The following UNC79 variants were observed in gnomAD, a reference collection of about 807,000 sequenced individuals.
UNC79 encodes protein unc-79 homolog.
UNC79 carries 37 observed loss-of-function variants against 283.1 expected under a neutral mutation model. That is an observed-to-expected ratio of 0.13 (90% CI 0.10 to 0.17). UNC79 has a LOEUF of 0.17. Among genes scored for constraint, UNC79 ranks in the 10% least tolerant of loss-of-function variants. The pLI, the probability that UNC79 is intolerant of heterozygous loss-of-function variation, is 1.00. For synonymous variants in UNC79, 1,107 were observed against 1,200.2 expected, an observed-to-expected ratio of 0.92 and a Z score of 1.61; for missense variants, 2,272 against 3,211.1, an observed-to-expected ratio of 0.71 and a Z score of 7.07.
At chr14:93,447,066 A>G (rs1192584468) in intron 1 of UNC79, among the ~76,000 whole-genome samples, 4 of 152,142 alleles carry the variant, frequency 2.6e-5, no homozygotes, top group African/African-American at 9.7e-5. Context: ...TACTGGGTTC[A>G]TATACATTTA....
intron 1 of UNC79, among the ~76,000 whole-genome samples, chr14:93,344,435 G>A (rs1336762815): frequency 6.6e-6 from 1 of 152,210 alleles, no homozygotes; most frequent in Non-Finnish European, 1.5e-5. Flanking sequence ...CTTCAGAATA[G>A]GGAGAATTCA....
At chr14:93,677,453 A>G (rs1188192752) in intron 41 of UNC79, among the ~76,000 whole-genome samples, 1 of 152,210 alleles carries the variant, frequency 6.6e-6, no homozygotes, top group African/African-American at 2.4e-5. Context: ...GGGAACTCCC[A>G]TTTATAAAAC....
At chr14:93,452,059 G>A (rs1009548539) in intron 1 of UNC79, among the ~76,000 whole-genome samples, 6 of 152,040 alleles carry the variant, frequency 3.9e-5, no homozygotes, top group African/African-American at 1.2e-4. Context: ...ACTTTTCCAC[G>A]CCTAGCATCT....
intron 47 of UNC79, among the ~76,000 whole-genome samples, chr14:93,700,387 A>G (rs182759407): frequency 6.6e-6 from 1 of 152,260 alleles, no homozygotes; most frequent in East Asian, 1.9e-4. Flanking sequence ...AACATGCCCA[A>G]TCTTTCTTCT....
chr14:93,453,153 G>A (rs943271761), intron 1 of UNC79, among the ~76,000 whole-genome samples: 5 of 152,192 alleles, frequency 3.3e-5, no homozygotes. Context: ...TTTAAGGACG[G>A]TGCTGGCTAT....
chr14:93,515,517 C>T (rs1218479516), intron 7 of UNC79, among the ~76,000 whole-genome samples: 1 of 152,024 alleles, frequency 6.6e-6, no homozygotes, highest in South Asian at 2.1e-4. Flanking sequence ...TAATTTGAGA[C>T]TTAGTATGAT....
chr14:93,639,155 G>A (rs2068789165), intron 32 of UNC79, among the ~76,000 whole-genome samples: 2 of 152,092 alleles, frequency 1.3e-5, no homozygotes, highest in Admixed American at 1.3e-4. Flanking sequence ...ATAGTAATTG[G>A]CAATAATCTT....
chr14:93,404,493 A>AAAAAAATATATAT lies in UNC79; in HGVS notation c.-350-63177_-350-63176insAAAAATATATATA. On this transcript the variant is annotated intron_variant, in intron 1 of 49. Coordinates refer to the UNC79 transcript ENST00000256339. Reference sequence around the variant, plus strand: ...TGACAGAGTGAGACCTTCTAAAAAAAATATATATATATATATATATAAATA... The same window carrying AAAAAAATATATAT: ...TGACAGAGTGAGACCTTCTAAAAAAAAAAAAATATATATATATATATATATATATATATAAATA... Among the ~76,000 whole-genome samples the AAAAAAATATATAT allele has an allele frequency of 6.3e-4, 39 of 61,498 alleles. 3 individuals are homozygous for AAAAAAATATATAT. Among genetic ancestry groups the AAAAAAATATATAT allele is most frequent in the South Asian group, 9.2e-4 (2 of 2,176 alleles). 40.3% of individuals were successfully genotyped at this position (61,498 alleles called of 152,430 possible). A position where few individuals can be genotyped will look rare whatever the true frequency, so the allele number is the denominator to read the frequency against.
intron 18 of UNC79, among the ~76,000 whole-genome samples, chr14:93,579,892 TCTC>T: frequency 6.6e-6 from 1 of 152,330 alleles, no homozygotes; most frequent in Non-Finnish European, 1.5e-5. Context: ...CTCTTTTAAA[TCTC>T]CTACATGATT....
At chr14:93,374,559 G>T (rs72708601) in intron 1 of UNC79, among the ~76,000 whole-genome samples, 7 of 151,650 alleles carry the variant, frequency 4.6e-5, no homozygotes. Context: ...CTTTTTTTGA[G>T]ACAGGGCCTC....
chr14:93,672,481 G>A (rs2072966292), intron 40 of UNC79, among the ~76,000 whole-genome samples: 1 of 152,164 alleles, frequency 6.6e-6, no homozygotes, highest in Non-Finnish European at 1.5e-5. Context: ...CATGGAGGTA[G>A]AGTGTGGAAG....
intron 7 of UNC79, among the ~76,000 whole-genome samples, chr14:93,517,197 CT>C (rs964129729): frequency 2.0e-5 from 3 of 150,718 alleles, no homozygotes; most frequent in Non-Finnish European, 3.0e-5. Flanking sequence ...CTCTCCACCC[CT>C]CTCTCCCTTT....
intron 14 of UNC79, among the ~76,000 whole-genome samples, chr14:93,558,788 C>T (rs1423976030): frequency 1.3e-5 from 2 of 151,956 alleles, no homozygotes; most frequent in Non-Finnish European, 1.5e-5. Context: ...ACCCTGTTCG[C>T]TGTGCCATAA....
intron 1 of UNC79, among the ~76,000 whole-genome samples, chr14:93,345,442 C>CAGAT (rs111452141): frequency 0.073 from 11,171 of 152,132 alleles, 850 homozygotes; most frequent in African/African-American, 0.19. Context: ...TAAAGAAACA[C>CAGAT]AGTTCATGGA....
chr14:93,691,738 T>C lies in UNC79; in HGVS notation c.7273-11T>C. 6.2e-7 allele frequency: 1 copy of C among 1,613,544 alleles called. No individual in the cohort carries two copies. On this transcript the variant is annotated splice_polypyrimidine_tract_variant and intron_variant, in intron 45 of 48. Transcript: ENST00000555664. ...GATGCAATGCACTGATGCCGTCTTC[T>C]TCCTTTTCAGACCTCCGTGCTGCAC...
intron 20 of UNC79, among the ~76,000 whole-genome samples, chr14:93,582,904 C>T (rs922851331): frequency 2.0e-5 from 3 of 152,046 alleles, no homozygotes; most frequent in Admixed American, 6.6e-5. Context: ...TGTGACCCCA[C>T]GTGCCTCTGG....
chr14:93,536,782 C>CTTTTT (rs35677025), intron 11 of UNC79, among the ~76,000 whole-genome samples: 18 of 82,436 alleles, frequency 2.2e-4, no homozygotes, highest in East Asian at 4.5e-4. Context: ...CCACCCCCGG[C>CTTTTT]TTTTTTTTTT....
At chr14:93,581,024 T>A (rs2063765577) in intron 19 of UNC79, among the ~76,000 whole-genome samples, 1 of 152,088 alleles carries the variant, frequency 6.6e-6, no homozygotes, top group Non-Finnish European at 1.5e-5. Context: ...TATGCATTTT[T>A]AAATTGTTTC....
chr14:93,354,673 CTT>C (rs951486971), intron 1 of UNC79, among the ~76,000 whole-genome samples: 2 of 151,366 alleles, frequency 1.3e-5, no homozygotes, highest in Non-Finnish European at 2.9e-5. Context: ...AATTAAAAAA[CTT>C]TTTTTTTGTA....
Sources: gnomAD v4.1 joint callset for allele counts (sites outside exome capture counted in the v4.1 genomes callset) on GRCh38, gnomAD v4.1.1 for gene constraint, MANE v1.5 for transcripts, NCBI Gene and HGNC (gene_info 2026-07-23, HGNC 2026-07-21) for gene names.